Variants in PDE1A observed in about 807,000 individuals in gnomAD.
The protein encoded by PDE1A is phosphodiesterase 1A, also known as dual specificity calcium/calmodulin-dependent 3',5'-cyclic nucleotide phosphodiesterase 1A.
PDE1A carries 35 observed loss-of-function variants against 61.7 expected under a neutral mutation model. The ratio of observed to expected loss-of-function variants is 0.57; its 90% CI spans 0.43 to 0.75. The LOEUF (loss-of-function observed/expected upper bound fraction) is 0.75. Among genes scored for constraint, PDE1A ranks in the 30% least tolerant of loss-of-function variants. The pLI is 0.00. For missense variants in PDE1A, 597 were observed against 630.6 expected (o/e 0.95, Z 0.57); for synonymous variants, 232 against 213.2 (o/e 1.09, Z -0.77).
exon 7 of PDE1A, chr2:182,223,880 A>C: frequency 6.3e-7 from 1 of 1,581,948 alleles, no homozygotes; most frequent in East Asian, 2.3e-5. Context: ...TGAATGTGAA[A>C]GTTGTTTGTT....
At chr2:182,221,404 G>A (rs1688716237) in intron 7 of PDE1A, among the ~76,000 whole-genome samples, 2 of 152,104 alleles carry the variant, frequency 1.3e-5, no homozygotes. Flanking sequence ...CGTGGATCCA[G>A]TGGATGTAGA....
At chr2:182,152,211 A>T (rs1690821690) in intron 13 of PDE1A, among the ~76,000 whole-genome samples, 1 of 152,130 alleles carries the variant, frequency 6.6e-6, no homozygotes, top group Non-Finnish European at 1.5e-5. Context: ...GACCATTTAT[A>T]TAGTTTATGT....
At chr2:182,176,383 T>C (rs1321799085) in intron 13 of PDE1A, among the ~76,000 whole-genome samples, 1 of 149,198 alleles carries the variant, frequency 6.7e-6, no homozygotes, top group Non-Finnish European at 1.5e-5. Flanking sequence ...TGTAGTTCCC[T>C]TTGAAGAGGT....
chr2:182,143,381 CAT>C (rs1690320214), downstream of PDE1A, among the ~76,000 whole-genome samples: 4 of 151,858 alleles, frequency 2.6e-5, no homozygotes, highest in African/African-American at 7.3e-5. Context: ...GAAAAGAAAA[CAT>C]AGAAACTGAA....
chr2:182,574,760 C>T, the PDE1A span, among the ~76,000 whole-genome samples: 6 of 152,142 alleles, frequency 3.9e-5, no homozygotes, highest in African/African-American at 7.2e-5. Flanking sequence ...GGCACAACCT[C>T]GGCTCACTGT....
At chr2:182,205,855 C>A (rs1204677586) in intron 8 of PDE1A, 85 bp downstream of exon 8, 31 of 1,257,780 alleles carry the variant, frequency 2.5e-5, no homozygotes, top group Non-Finnish European at 3.5e-5. Context: ...AATGCATCGA[C>A]TTTCATCTTT....
At chr2:182,249,138 C>G (rs1453450918) in intron 2 of PDE1A, among the ~76,000 whole-genome samples, 1 of 152,234 alleles carries the variant, frequency 6.6e-6, no homozygotes, top group Non-Finnish European at 1.5e-5. Flanking sequence ...ACCTCAGCCC[C>G]CAAGTACAGT....
At chr2:182,500,103 CAGAA>C (rs1331211460) in intron 2 of PDE1A, among the ~76,000 whole-genome samples, 2 of 152,158 alleles carry the variant, frequency 1.3e-5, no homozygotes, top group South Asian at 2.1e-4. Context: ...TCGGTGAACT[CAGAA>C]AGAATTAGTG....
intron 2 of PDE1A, among the ~76,000 whole-genome samples, chr2:182,443,698 T>TC (rs1419430973): frequency 6.6e-6 from 1 of 150,376 alleles, no homozygotes; most frequent in Non-Finnish European, 1.5e-5. Flanking sequence ...TTTTCTTTTT[T>TC]CCTTTTTTTT....
the PDE1A span, among the ~76,000 whole-genome samples, chr2:182,615,764 A>G: frequency 6.6e-6 from 1 of 152,144 alleles, no homozygotes; most frequent in Non-Finnish European, 1.5e-5. Context: ...GAGAGCATGC[A>G]TGTGCACACA....
chr2:182,656,638 C>T, the PDE1A span, among the ~76,000 whole-genome samples: 1 of 152,162 alleles, frequency 6.6e-6, no homozygotes, highest in Admixed American at 6.5e-5. Context: ...AGTAGCTGTA[C>T]CTAAAACAAG....
At chr2:182,314,956 G>A (rs1388474181) in intron 1 of PDE1A, among the ~76,000 whole-genome samples, 1 of 152,068 alleles carries the variant, frequency 6.6e-6, no homozygotes, top group Admixed American at 6.6e-5. Context: ...CCAGTTACAA[G>A]CATATCAAAA....
At chr2:182,647,440 T>C in the PDE1A span, among the ~76,000 whole-genome samples, 1 of 152,236 alleles carries the variant, frequency 6.6e-6, no homozygotes, top group Admixed American at 6.5e-5. Context: ...ATTTGTCATT[T>C]TTCCTATGGT....
chr2:182,249,935 T>C (rs1319204508), intron 2 of PDE1A, among the ~76,000 whole-genome samples: 5 of 152,160 alleles, frequency 3.3e-5, no homozygotes, highest in Non-Finnish European at 5.9e-5. Flanking sequence ...TAATTATTAT[T>C]GATACTTCTA....
At chr2:182,673,989 C>CATATATAT in the PDE1A span, among the ~76,000 whole-genome samples, 488 of 135,154 alleles carry the variant, frequency 3.6e-3, 4 homozygotes, top group African/African-American at 8.0e-3. Flanking sequence ...AATATAACTT[C>CATATATAT]ATATATATAT....
At chr2:182,441,216 A>G (rs932411584) in intron 2 of PDE1A, among the ~76,000 whole-genome samples, 1 of 152,090 alleles carries the variant, frequency 6.6e-6, no homozygotes, top group African/African-American at 2.4e-5. Context: ...CACCCCCATG[A>G]TTCAATTATC....
chr2:182,292,144 G>GTGTGTATAAGGGGCTTTT (rs1273402678), intron 1 of PDE1A, among the ~76,000 whole-genome samples: 10 of 152,032 alleles, frequency 6.6e-5, no homozygotes, highest in African/African-American at 2.4e-4. Flanking sequence ...GATATGCTTT[G>GTGTGTATAAGGGGCTTTT]TGTGTATAAG....
At chr2:182,699,503 A>G in the PDE1A span, among the ~76,000 whole-genome samples, 1 of 152,228 alleles carries the variant, frequency 6.6e-6, no homozygotes, top group Non-Finnish European at 1.5e-5. Flanking sequence ...GGTTTATTTT[A>G]TAAGAATGAA....
At chr2:182,432,448 A>AGTT (rs1289488612) in intron 2 of PDE1A, among the ~76,000 whole-genome samples, 2 of 126,362 alleles carry the variant, frequency 1.6e-5, no homozygotes, top group African/African-American at 3.3e-5. Flanking sequence ...TTGTTGTTGT[A>AGTT]GTTGTTGTTG....
Sources: allele counts gnomAD v4.1 joint callset (sites outside exome capture counted in the v4.1 genomes callset), GRCh38; gene constraint gnomAD v4.1.1; transcripts MANE v1.5; gene names NCBI Gene and HGNC (gene_info 2026-07-23, HGNC 2026-07-21).